The following ARHGAP32 variants were observed in gnomAD, a reference collection of about 807,000 sequenced individuals.
ARHGAP32 encodes rho GTPase-activating protein 32.
In ARHGAP32, 51 loss-of-function variants were observed where a neutral mutation model predicts 186.5. That is an observed-to-expected ratio of 0.27 (90% confidence interval 0.22 to 0.35). The LOEUF is 0.35. Among genes scored for constraint, ARHGAP32 ranks in the 10% least tolerant of loss-of-function variants. The pLI, the probability that ARHGAP32 is intolerant of heterozygous loss-of-function variation, is 1.00. For synonymous variants in ARHGAP32, 950 were observed against 964.3 expected (o/e 0.99, Z 0.27); for missense variants, 2,186 against 2,623.5 (o/e 0.83, Z 3.64).
At chr11:129,076,007 C>T (rs1369823366) in intron 6 of ARHGAP32, among the ~76,000 whole-genome samples, 2 of 152,118 alleles carry the variant, frequency 1.3e-5, no homozygotes, top group Non-Finnish European at 1.5e-5. Flanking sequence ...GGCCAAAACC[C>T]GCCAAAACCA....
chr11:129,012,780 C>T (rs1938145159), intron 11 of ARHGAP32, among the ~76,000 whole-genome samples: 1 of 152,228 alleles, frequency 6.6e-6, no homozygotes, highest in East Asian at 1.9e-4. Flanking sequence ...CAGCAGTAGT[C>T]TGCCATATTG....
At chr11:129,245,780 C>T (rs1181407704) in intron 1 of ARHGAP32, among the ~76,000 whole-genome samples, 1 of 151,566 alleles carries the variant, frequency 6.6e-6, no homozygotes. Flanking sequence ...GTTCAAGTAG[C>T]CAAAGAATGA....
chr11:128,995,757 T>C (rs1197095405), intron 12 of ARHGAP32, among the ~76,000 whole-genome samples: 1 of 152,200 alleles, frequency 6.6e-6, no homozygotes, highest in East Asian at 1.9e-4. Context: ...GAGGACAGCT[T>C]GAGCCCAGGA....
chr11:129,059,950 A>C (rs1940423383), intron 10 of ARHGAP32, among the ~76,000 whole-genome samples: 1 of 152,218 alleles, frequency 6.6e-6, no homozygotes, highest in Non-Finnish European at 1.5e-5. Context: ...CAAGATGAAA[A>C]ATAGCATTCC....
intron 11 of ARHGAP32, among the ~76,000 whole-genome samples, chr11:129,037,180 C>T (rs1242604964): frequency 2.0e-5 from 3 of 152,142 alleles, no homozygotes; most frequent in Non-Finnish European, 4.4e-5. Flanking sequence ...CTGAAAACTA[C>T]AAAATATTGA....
chr11:129,204,057 A>G (rs1475979551), intron 1 of ARHGAP32, among the ~76,000 whole-genome samples: 2 of 148,860 alleles, frequency 1.3e-5, no homozygotes, highest in East Asian at 1.9e-4. Flanking sequence ...TAAAATATAT[A>G]TAAGATTGAA....
intron 11 of ARHGAP32, 106 bp downstream of exon 11, chr11:129,040,822 C>A: frequency 1.5e-6 from 1 of 689,174 alleles, no homozygotes. Context: ...ATTATTATGC[C>A]TATAAATGCA....
intron 12 of ARHGAP32, among the ~76,000 whole-genome samples, chr11:128,989,518 A>T (rs111690408): frequency 7.0e-5 from 9 of 127,750 alleles, no homozygotes; most frequent in Non-Finnish European, 8.5e-5. Context: ...TTTTTATTTC[A>T]CACACACACA....
intron 1 of ARHGAP32, among the ~76,000 whole-genome samples, chr11:129,215,962 G>C (rs1338037307): frequency 6.6e-6 from 1 of 152,178 alleles, no homozygotes; most frequent in Non-Finnish European, 1.5e-5. Context: ...AGAGGCAGAG[G>C]GGGTCTGGAC....
intron 2 of ARHGAP32, among the ~76,000 whole-genome samples, chr11:129,127,822 A>G (rs1438769986): frequency 2.0e-5 from 3 of 152,188 alleles, no homozygotes; most frequent in Non-Finnish European, 4.4e-5. Context: ...TGCTTCTAAA[A>G]TAAGAGTTTA....
chr11:129,056,010 C>T (rs1343717246), intron 10 of ARHGAP32, among the ~76,000 whole-genome samples: 14 of 152,128 alleles, frequency 9.2e-5, no homozygotes, highest in Non-Finnish European at 2.1e-4. Flanking sequence ...TGATTTGAGA[C>T]TGTATTTTTT....
In ARHGAP32 at chr11:128,969,049, C is replaced by T. The variant is rs767401216; in HGVS notation, c.6164G>A (p.Gly2055Glu). 1 of 1,612,384 alleles carries T rather than the reference C, an allele frequency of 6.2e-7. No homozygotes were observed. The highest frequency in any genetic ancestry group is 8.5e-7 in the Non-Finnish European group (1 of 1,178,810). ...SLPQHQRGVFGGGGMGTYVPP... is the reference protein window; with the variant it reads ...SLPQHQRGVFEGGGMGTYVPP... ...CACATACGTCCCCATGCCGCCCCCT[C>T]CAAAGACTCCTCGCTGGTGCTGAGG... Residue 2055 changes from glycine (G) to glutamate (E), a missense_variant, in exon 23 of 23, where the codon GGA becomes GAA. Gly to Glu is a moderately conservative substitution (Grantham distance 98). Transcript: ENST00000682385. The surrounding 1 kb of genome is among the most constrained non-coding windows in gnomAD (Gnocchi z 4.8).
chr11:129,220,986 T>G (rs1190932445), intron 1 of ARHGAP32, among the ~76,000 whole-genome samples: 12 of 152,090 alleles, frequency 7.9e-5, no homozygotes, highest in Non-Finnish European at 1.5e-4. Flanking sequence ...AGAGAGGGTA[T>G]CATTATTTAT....
chr11:129,100,749 A>G (rs1941873002), intron 5 of ARHGAP32, among the ~76,000 whole-genome samples: 1 of 152,118 alleles, frequency 6.6e-6, no homozygotes, highest in African/African-American at 2.4e-5. Flanking sequence ...TGTGGCACAG[A>G]GAAGGCACCT....
At chr11:128,975,045 A>T (rs765527409) in intron 20 of ARHGAP32, 43 bp from the exon 21 acceptor site, 17 of 1,531,138 alleles carry the variant, frequency 1.1e-5, no homozygotes, top group Non-Finnish European at 1.1e-5. Flanking sequence ...AACATCGTAG[A>T]TACAGAATGC....
intron 1 of ARHGAP32, among the ~76,000 whole-genome samples, chr11:129,197,613 T>C (rs1401913374): frequency 1.3e-5 from 2 of 152,182 alleles, no homozygotes; most frequent in Non-Finnish European, 2.9e-5. Context: ...AATATATATG[T>C]ATGTATCATA....
At chr11:129,024,135 T>C (rs1938726636) in intron 11 of ARHGAP32, 1 of 985,332 alleles carries the variant, frequency 1.0e-6, no homozygotes, top group Admixed American at 6.2e-5. Flanking sequence ...AGCCAGCAAG[T>C]GTGTGGGAGA....
chr11:129,055,576 A>G (rs1040828439), intron 10 of ARHGAP32, among the ~76,000 whole-genome samples: 4 of 152,242 alleles, frequency 2.6e-5, no homozygotes, highest in African/African-American at 9.6e-5. Flanking sequence ...TGGCATATCC[A>G]TGACACTGAA....
chr11:128,971,814 A>AC (rs1945383314), intron 22 of ARHGAP32: 1 of 152,264 alleles, frequency 6.6e-6, no homozygotes, highest in Non-Finnish European at 1.5e-5. Context: ...AAGAAAAACA[A>AC]CCTGTGGCAC....
Sources: allele counts gnomAD v4.1 joint callset (sites outside exome capture counted in the v4.1 genomes callset), GRCh38; gene constraint gnomAD v4.1.1; non-coding constraint Gnocchi (gnomAD v3.1); transcripts MANE v1.5; gene names NCBI Gene and HGNC (gene_info 2026-07-23, HGNC 2026-07-21).